The following PLEKHM3 variants were observed in gnomAD, a reference collection of about 807,000 sequenced individuals.
PLEKHM3 encodes pleckstrin homology domain containing M3, also known as pleckstrin homology domain-containing family M member 3.
In PLEKHM3, 45 loss-of-function variants were observed where a neutral mutation model predicts 81.8. That is an observed-to-expected ratio of 0.55 (90% CI 0.43 to 0.71). The LOEUF is 0.71. Ranked by LOEUF, PLEKHM3 falls within the 30% of genes least tolerant of loss-of-function variation. The pLI is 0.00. For synonymous variants in PLEKHM3, 352 were observed against 356.4 expected, an observed-to-expected ratio of 0.99 and a Z score of 0.14; for missense variants, 788 against 924.3, an observed-to-expected ratio of 0.85 and a Z score of 1.91.
chr2:207,872,010 C>A (rs1258939166), intron 6 of PLEKHM3, among the ~76,000 whole-genome samples: 2 of 152,148 alleles, frequency 1.3e-5, no homozygotes, highest in African/African-American at 4.8e-5. Context: ...TCTAAGCAGA[C>A]TTTTTAACTC....
At chr2:207,900,257 A>G (rs1198431182) in intron 6 of PLEKHM3, 3 of 152,168 alleles carry the variant, frequency 2.0e-5, no homozygotes, top group African/African-American at 7.2e-5. Context: ...AGCTAGAACA[A>G]CTACCATATG....
At chr2:207,990,075 C>G (rs565280718) in intron 2 of PLEKHM3, among the ~76,000 whole-genome samples, 28 of 152,320 alleles carry the variant, frequency 1.8e-4, no homozygotes, top group Admixed American at 4.6e-4. Flanking sequence ...GCCAAGAGTG[C>G]TATTCCAGCT....
intron 5 of PLEKHM3, among the ~76,000 whole-genome samples, chr2:207,913,879 C>T (rs1271768272): frequency 6.6e-6 from 1 of 152,038 alleles, no homozygotes; most frequent in East Asian, 1.9e-4. Context: ...GTGGACCCAG[C>T]TGGAAGCTCT....
At chr2:208,004,048 C>CT (rs552431918) in intron 1 of PLEKHM3, among the ~76,000 whole-genome samples, 144 of 150,794 alleles carry the variant, frequency 9.5e-4, no homozygotes, top group Middle Eastern at 3.4e-3. Context: ...GTTTCTTTCT[C>CT]TTTTTTTTTT....
At chr2:207,891,757 C>T (rs1163187973) in intron 6 of PLEKHM3, among the ~76,000 whole-genome samples, 1 of 152,202 alleles carries the variant, frequency 6.6e-6, no homozygotes, top group Non-Finnish European at 1.5e-5. Context: ...CTTCCTATAA[C>T]TGATTCATTC....
chr2:207,961,464 CAT>C (rs1690730395), intron 3 of PLEKHM3, among the ~76,000 whole-genome samples: 2 of 152,148 alleles, frequency 1.3e-5, no homozygotes, highest in Non-Finnish European at 2.9e-5. Context: ...GATACAAACC[CAT>C]ATGTCTTAGG....
chr2:207,860,151 C>CTGTGTGTGTGTGTGTGTGTG lies in PLEKHM3; in HGVS notation c.2108+934_2108+953dup, dbSNP rs55739776. Among the ~76,000 whole-genome samples, 284 of 110,744 alleles carry CTGTGTGTGTGTGTGTGTGTG rather than the reference C, an allele frequency of 2.6e-3. 9 individuals carry two copies. Among genetic ancestry groups the CTGTGTGTGTGTGTGTGTGTG allele is most frequent in the East Asian group, 6.5e-3 (20 of 3,070 alleles). 72.7% of individuals were successfully genotyped at this position (110,744 alleles called of 152,430 possible). ...GGAAACTGGAGGCTGAACTCTGCCT[C>CTGTGTGTGTGTGTGTGTGTG]TGTGTGTGTGTGTGTGTGTGTGTGT... On this transcript the variant is annotated intron_variant, in intron 7 of 7. Transcript: ENST00000427836.
Position 207,872,302 on chromosome 2 carries a change from A to T in PLEKHM3, c.1951-11040T>A, listed in dbSNP as rs1377329082. 3.3e-5 allele frequency among the ~76,000 whole-genome samples: 5 copies of T among 152,168 alleles called. No individual in the cohort carries two copies. The East Asian group carries it at 9.6e-4, about 29-fold the overall frequency. On this transcript the variant is annotated intron_variant, in intron 6 of 7. Coordinates refer to ENST00000427836, the MANE Select transcript of PLEKHM3 (RefSeq NM_001080475.3). ...CACAGAAGCAGGATTGTGCAGACTA[A>T]ATTAGCCCAGGTTTAGATCCACAGT...
chr2:207,828,263 C>T lies in PLEKHM3; in HGVS notation c.*56G>A. ...GTCTAACTGGCTAGTTAGGAGGCCG[C>T]TCTGGGGCTGATGGATTGTTGATTG... On this transcript the variant is annotated 3_prime_UTR_variant, in exon 8 of 8. Coordinates refer to ENST00000427836, the MANE Select transcript of PLEKHM3 (RefSeq NM_001080475.3). The T allele has an allele frequency of 6.4e-7, 1 of 1,567,294 alleles. No homozygotes were observed. Among genetic ancestry groups the T allele is most frequent in the East Asian group, 2.3e-5 (1 of 44,342 alleles).
intron 7 of PLEKHM3, among the ~76,000 whole-genome samples, chr2:207,850,450 C>A (rs115164093): frequency 1.3e-5 from 2 of 152,198 alleles, no homozygotes; most frequent in Non-Finnish European, 2.9e-5. Flanking sequence ...GAAAAACTCA[C>A]GAAAGCCAAA....
chr2:207,903,277 G>A (rs1688500389), intron 6 of PLEKHM3, among the ~76,000 whole-genome samples: 1 of 152,060 alleles, frequency 6.6e-6, no homozygotes. Flanking sequence ...GAAATTTAGG[G>A]CCCAGGGAAG....
At chr2:207,889,130 C>T (rs1687971415) in intron 6 of PLEKHM3, among the ~76,000 whole-genome samples, 1 of 152,120 alleles carries the variant, frequency 6.6e-6, no homozygotes, top group Non-Finnish European at 1.5e-5. Flanking sequence ...GTCACTTTGT[C>T]ACCAAAATAG....
intron 6 of PLEKHM3, among the ~76,000 whole-genome samples, chr2:207,906,641 T>C (rs1336123546): frequency 6.6e-6 from 1 of 151,926 alleles, no homozygotes; most frequent in Non-Finnish European, 1.5e-5. Context: ...ATGCAAAAAT[T>C]AGACAGGGCT....
At chr2:208,020,421 C>A (rs991780810) in intron 1 of PLEKHM3, among the ~76,000 whole-genome samples, 3 of 152,228 alleles carry the variant, frequency 2.0e-5, no homozygotes. Flanking sequence ...GCTCATAACT[C>A]ATACTGTCAT....
intron 1 of PLEKHM3, among the ~76,000 whole-genome samples, chr2:208,016,696 C>CACACACACACACACACA (rs368432659): frequency 2.9e-4 from 43 of 148,344 alleles, no homozygotes; most frequent in South Asian, 6.4e-4. Context: ...CACACACACA[C>CACACACACACACACACA]CCTGGTTTCA....
chr2:207,848,359 TTGA>T (rs1191430992), intron 7 of PLEKHM3, among the ~76,000 whole-genome samples: 10 of 152,362 alleles, frequency 6.6e-5, no homozygotes, highest in African/African-American at 2.4e-4. Flanking sequence ...CATCTGGGGC[TTGA>T]TGGTTTTTTT....
intron 5 of PLEKHM3, 147 bp downstream of exon 5, chr2:207,930,779 G>C (rs1461958235): frequency 8.3e-6 from 7 of 844,156 alleles, no homozygotes; most frequent in African/African-American, 6.9e-5. Flanking sequence ...GATGAGCCCA[G>C]AGAGAGGCTG....
intron 2 of PLEKHM3, among the ~76,000 whole-genome samples, chr2:207,986,675 T>TG (rs1691731749): frequency 1.1e-5 from 1 of 90,898 alleles, no homozygotes; most frequent in African/African-American, 2.7e-5. Context: ...CAAATTTTTT[T>TG]GTTTTTTTTT....
At chr2:207,848,805 G>A (rs2105895475) in intron 7 of PLEKHM3, among the ~76,000 whole-genome samples, 2 of 152,334 alleles carry the variant, frequency 1.3e-5, no homozygotes, top group South Asian at 4.1e-4. Flanking sequence ...GTGTTGGGAG[G>A]AGTCTCCATG....
Sources: allele counts gnomAD v4.1 joint callset (sites outside exome capture counted in the v4.1 genomes callset), GRCh38; gene constraint gnomAD v4.1.1; transcripts MANE v1.5; gene names NCBI Gene and HGNC (gene_info 2026-07-23, HGNC 2026-07-21).